The following GSTA1 variants were observed in gnomAD, a reference collection of about 807,000 sequenced individuals.
The protein encoded by GSTA1 is glutathione S-transferase alpha 1.
A neutral mutation model predicts 21.5 loss-of-function variants in GSTA1; 23 were observed. The observed-to-expected ratio is 1.07, with a 90% CI of 0.77 to 1.52. The LOEUF (loss-of-function observed/expected upper bound fraction) is 1.52. GSTA1 is among the 40% of genes most tolerant of loss of function. The pLI is 0.00. For synonymous variants in GSTA1, 125 were observed against 90.0 expected (o/e 1.39, Z -2.20); for missense variants, 301 against 264.2 (o/e 1.14, Z -0.96).
rs1296817109 is a variant in GSTA1 at position 52,799,064 on chromosome 6, G to T, written c.87+117C>A. ...TCTGTTCATCTTTTTCTTAATTACA[G>T]TCCATTTTTATTTAAGGCACAATGC... is the stretch of plus-strand genomic sequence containing the variant. On this transcript the variant is annotated intron_variant, in intron 2 of 6. Transcript: ENST00000334575. 5.5e-5 allele frequency: 51 copies of T among 923,534 alleles called. 1 individual carries two copies. The highest frequency in any genetic ancestry group is 1.3e-4 in the Admixed American group (6 of 45,164). 57.2% of individuals were successfully genotyped at this position (923,534 alleles called of 1,614,324 possible). A position where few individuals can be genotyped will look rare whatever the true frequency, so the allele number is the denominator to read the frequency against.
chr6:52,796,543 A>ATATTTTTTTT (rs1300549721), intron 3 of GSTA1, among the ~76,000 whole-genome samples: 44 of 23,750 alleles, frequency 1.9e-3, no homozygotes, highest in Middle Eastern at 0.026. Flanking sequence ...ATATATATAT[A>ATATTTTTTTT]TTTTTTTTTT....
chr6:52,794,066 A>G, intron 5 of GSTA1, 59 bp downstream of exon 5: 1 of 1,604,928 alleles, frequency 6.2e-7, no homozygotes, highest in Non-Finnish European at 8.5e-7. Context: ...ATGCCCAGCC[A>G]CTATTTTTCT....
chr6:52,801,945 C>T (rs191937504), intron 1 of GSTA1, among the ~76,000 whole-genome samples: 1 of 152,078 alleles, frequency 6.6e-6, no homozygotes, highest in Non-Finnish European at 1.5e-5. Context: ...CACTCCACCT[C>T]ATAACCTGGC....
intron 1 of GSTA1, 48 bp downstream of exon 1, chr6:52,803,737 G>C (rs1287581217): frequency 1.7e-5 from 3 of 179,304 alleles, no homozygotes; most frequent in Non-Finnish European, 3.6e-5. Context: ...GGAGGCTAGA[G>C]AGGAGGGTGT....
chr6:52,791,757 A>G lies in GSTA1; in HGVS notation c.*101T>C, dbSNP rs1489402719. 4.2e-5 allele frequency: 57 copies of G among 1,362,880 alleles called. No homozygotes were observed. Among genetic ancestry groups the G allele is most frequent in the Non-Finnish European group, 5.7e-5 (56 of 975,440 alleles). 84.4% of individuals were successfully genotyped at this position (1,362,880 alleles called of 1,614,324 possible). A position where few individuals can be genotyped will look rare whatever the true frequency, so the allele number is the denominator to read the frequency against. On this transcript the variant is annotated 3_prime_UTR_variant, in exon 7 of 7. Transcript: ENST00000334575. ...AGCATATAATTTGAAAGAGTTCATTAGCTTCACAACAGGCACAATCAACAC... is the reference window on the plus strand; with the variant it reads ...AGCATATAATTTGAAAGAGTTCATTGGCTTCACAACAGGCACAATCAACAC...
chr6:52,791,709 A>G lies in GSTA1; in HGVS notation c.*149T>C. 1.1e-6 allele frequency: 1 copy of G among 879,194 alleles called. No individual in the cohort carries two copies. Among genetic ancestry groups the G allele is most frequent in the East Asian group, 2.6e-5 (1 of 38,006 alleles). 54.5% of individuals were successfully genotyped at this position (879,194 alleles called of 1,614,324 possible). A position where few individuals can be genotyped will look rare whatever the true frequency, so the allele number is the denominator to read the frequency against. On this transcript the variant is annotated 3_prime_UTR_variant, in exon 7 of 7. Coordinates refer to ENST00000334575, the MANE Select transcript of GSTA1 (RefSeq NM_145740.5). ...CAAATCAATTTTAACTAAGTCAGCG[A>G]ATAGGAGTTGTATTATTTAATTAGC...
At position 52,792,895 on chromosome 6, in the gene GSTA1, C is replaced by T; in HGVS notation, c.507G>A (p.Glu169=). The T allele has an allele frequency of 4.3e-6, 7 of 1,614,126 alleles. No individual in the cohort carries two copies. Among genetic ancestry groups the T allele is most frequent in the Non-Finnish European group, 5.9e-6 (7 of 1,179,994 alleles). The change falls in exon 6 of 7, where the codon GAG becomes GAA. Residue 169 remains glutamate, a synonymous_variant. Transcript: ENST00000334575. ...HLVELLYYVE[E]LDSSLISSFP... is the part of the protein sequence containing the mutation. ...AGCTGGAGATAAGACTGGAGTCAAG[C>T]TCCTCGACGTAGTAGAGAAGTTCCA...
At chr6:52,798,127 T>G (rs917945934) in intron 2 of GSTA1, among the ~76,000 whole-genome samples, 5 of 152,186 alleles carry the variant, frequency 3.3e-5, no homozygotes, top group Non-Finnish European at 5.9e-5. Flanking sequence ...GTGAAATAGG[T>G]CGCCACTGTT....
intron 5 of GSTA1, among the ~76,000 whole-genome samples, chr6:52,793,691 A>C (rs988385120): frequency 9.2e-5 from 14 of 152,318 alleles, no homozygotes; most frequent in Middle Eastern, 3.4e-3. Flanking sequence ...CCCATCCCTG[A>C]AACGCTACAG....
Position 52,791,853 on chromosome 6 carries a change from C to G in GSTA1, c.*5G>C. ...TGCAAGTTCTTGGCCTCCATGACTG[C>G]GTTATTAAAACCTGAAAATCTTCCT... On this transcript the variant is annotated 3_prime_UTR_variant, in exon 7 of 7. Transcript: ENST00000334575. The G allele has an allele frequency of 4.3e-6, 7 of 1,613,940 alleles. No homozygotes were observed. Among genetic ancestry groups the G allele is most frequent in the Non-Finnish European group, 5.9e-6 (7 of 1,179,856 alleles).
chr6:52,796,601 T>G (rs9395822), intron 3 of GSTA1, among the ~76,000 whole-genome samples: 57,679 of 133,006 alleles, frequency 0.43, 15,237 homozygotes, highest in East Asian at 0.7. Flanking sequence ...TGGAGTGGAG[T>G]GGCATGATCT....
intron 1 of GSTA1, among the ~76,000 whole-genome samples, chr6:52,800,010 C>T (rs1188437035): frequency 6.6e-6 from 1 of 152,216 alleles, no homozygotes; most frequent in Non-Finnish European, 1.5e-5. Flanking sequence ...AATCTATCAA[C>T]AGACAGAGAT....
At chr6:52,792,677 T>A (rs1277360850) in intron 6 of GSTA1, 179 bp downstream of exon 6, 1 of 1,502,616 alleles carries the variant, frequency 6.7e-7, no homozygotes, top group South Asian at 1.3e-5. Flanking sequence ...CAGATTTCCT[T>A]TCCATAACAA....
Position 52,791,798 on chromosome 6 carries a change from T to A in GSTA1, c.*60A>T, listed in dbSNP as rs699334. ...CAATCAACACTTAGGTAAAGTACTT[T>A]ATTGTTGCAAAACTTTAGAACATTG... On this transcript the variant is annotated 3_prime_UTR_variant, in exon 7 of 7. Coordinates refer to ENST00000334575, the MANE Select transcript of GSTA1 (RefSeq NM_145740.5). The A allele has an allele frequency of 1.2e-6, 2 of 1,603,474 alleles. No individual in the cohort carries two copies. Among genetic ancestry groups the A allele is most frequent in the South Asian group, 1.1e-5 (1 of 90,178 alleles).
intron 4 of GSTA1, 119 bp from the exon 5 acceptor site, chr6:52,794,385 C>T (rs1763529970): frequency 1.1e-6 from 1 of 915,562 alleles, no homozygotes; most frequent in South Asian, 1.8e-5. Context: ...CCAGTGGGTG[C>T]CTTTTATAGT....
intron 1 of GSTA1, among the ~76,000 whole-genome samples, chr6:52,801,509 C>T (rs573022732): frequency 2.3e-4 from 35 of 152,308 alleles, no homozygotes; most frequent in Non-Finnish European, 4.9e-4. Flanking sequence ...TAATTCCAAT[C>T]CCCAAACTAA....
At chr6:52,802,417 T>C (rs1350953644) in intron 1 of GSTA1, among the ~76,000 whole-genome samples, 2 of 152,208 alleles carry the variant, frequency 1.3e-5, no homozygotes, top group African/African-American at 2.4e-5. Flanking sequence ...CTTCTTAGAA[T>C]AGAGATAGTT....
chr6:52,792,071 A>G, intron 6 of GSTA1, 91 bp from the exon 7 acceptor site: 2 of 1,560,726 alleles, frequency 1.3e-6, no homozygotes, highest in Non-Finnish European at 1.7e-6. Flanking sequence ...TCCTGCAAAG[A>G]CCAAGTGAGT....
chr6:52,800,252 T>C (rs1156707375), intron 1 of GSTA1, among the ~76,000 whole-genome samples: 1 of 152,234 alleles, frequency 6.6e-6, no homozygotes, highest in Non-Finnish European at 1.5e-5. Flanking sequence ...TTGAGGATAC[T>C]GAGGTTTTTA....
Sources: allele counts gnomAD v4.1 joint callset (sites outside exome capture counted in the v4.1 genomes callset), GRCh38; gene constraint gnomAD v4.1.1; transcripts MANE v1.5; gene names NCBI Gene and HGNC (gene_info 2026-07-23, HGNC 2026-07-21).